The following CCSER1 variants were observed in gnomAD, a reference collection of about 807,000 sequenced individuals.
CCSER1 encodes serine-rich coiled-coil domain-containing protein 1.
A neutral mutation model predicts 82.0 loss-of-function variants in CCSER1; 41 were observed. The ratio of observed to expected loss-of-function variants is 0.50; its 90% confidence interval spans 0.39 to 0.65. The LOEUF (loss-of-function observed/expected upper bound fraction) is 0.65, where lower values mean the gene tolerates loss of function less well. Among genes scored for constraint, CCSER1 ranks in the 30% least tolerant of loss-of-function variants. CCSER1 has a pLI of 0.00. For synonymous variants in CCSER1, 414 were observed against 383.9 expected, an observed-to-expected ratio of 1.08 and a Z score of -0.92; for missense variants, 1,119 against 1,064.2, an observed-to-expected ratio of 1.05 and a Z score of -0.72.
At chr4:91,180,454 C>T (rs994908899) in intron 10 of CCSER1, among the ~76,000 whole-genome samples, 1 of 152,214 alleles carries the variant, frequency 6.6e-6, no homozygotes, top group Admixed American at 6.5e-5. Context: ...GTGGTGGGCT[C>T]CACCTAGTTC....
chr4:91,120,581 A>G (rs1236523345), intron 10 of CCSER1, among the ~76,000 whole-genome samples: 1 of 151,926 alleles, frequency 6.6e-6, no homozygotes, highest in Non-Finnish European at 1.5e-5. Flanking sequence ...TTTTTGAAAG[A>G]TTACAGGTTG....
chr4:90,662,578 A>G (rs1195586223), intron 6 of CCSER1, among the ~76,000 whole-genome samples: 1 of 152,124 alleles, frequency 6.6e-6, no homozygotes, highest in Non-Finnish European at 1.5e-5. Flanking sequence ...AGTCTTTAAC[A>G]TGCATTCTGA....
At chr4:91,150,455 A>C (rs1202107690) in intron 10 of CCSER1, among the ~76,000 whole-genome samples, 1 of 152,120 alleles carries the variant, frequency 6.6e-6, no homozygotes, top group East Asian at 1.9e-4. Context: ...TCTTTTCCTA[A>C]TTGAATACGC....
rs922349827 is a variant in CCSER1 at position 90,944,111 on chromosome 4, C to T, written c.2172+20664C>T. On this transcript the variant is annotated intron_variant, in intron 9 of 10. Coordinates refer to ENST00000509176, the MANE Select transcript of CCSER1 (RefSeq NM_001145065.2). ...GAGCTGGGCGAGCGGCTTGAGCCTG[C>T]AATCCCAGCTACTCGGGAGGCTGAG... is the stretch of plus-strand genomic sequence containing the variant. Among the ~76,000 whole-genome samples, 8 of 151,040 alleles carry T rather than the reference C, an allele frequency of 5.3e-5. No homozygotes were observed. The South Asian group carries it at 1.3e-3, about 24-fold the overall frequency.
intron 9 of CCSER1, among the ~76,000 whole-genome samples, chr4:91,056,119 T>C (rs552986324): frequency 3.0e-4 from 45 of 152,242 alleles, no homozygotes; most frequent in African/African-American, 1.1e-3. Flanking sequence ...TGTCTTTAGT[T>C]CTTTGAGCAT....
intron 10 of CCSER1, among the ~76,000 whole-genome samples, chr4:91,434,501 T>A (rs1754528355): frequency 6.6e-6 from 1 of 152,112 alleles, no homozygotes; most frequent in Non-Finnish European, 1.5e-5. Flanking sequence ...GGTGTCCTCT[T>A]AGAGAAGTTT....
chr4:91,272,805 C>T (rs375566089), intron 10 of CCSER1, among the ~76,000 whole-genome samples: 3 of 152,184 alleles, frequency 2.0e-5, no homozygotes, highest in African/African-American at 7.2e-5. Context: ...TTTCATTCTC[C>T]TACATGTGGC....
chr4:91,434,976 CTGT>C (rs1298877759), intron 10 of CCSER1, among the ~76,000 whole-genome samples: 2 of 151,990 alleles, frequency 1.3e-5, no homozygotes, highest in Non-Finnish European at 2.9e-5. Context: ...CCGTAGAGTT[CTGT>C]TGTTGTTGTT....
At chr4:90,566,751 C>T (rs935123224) in intron 5 of CCSER1, among the ~76,000 whole-genome samples, 8 of 151,972 alleles carry the variant, frequency 5.3e-5, no homozygotes, top group African/African-American at 1.7e-4. Context: ...TACAGACGCC[C>T]GCCACCACGC....
chr4:90,315,664 T>A (rs1736046910), intron 3 of CCSER1, among the ~76,000 whole-genome samples: 1 of 151,998 alleles, frequency 6.6e-6, no homozygotes, highest in Non-Finnish European at 1.5e-5. Flanking sequence ...CCACCATGCC[T>A]GCCTAATTTT....
chr4:91,563,136 A>G (rs1762730510), intron 10 of CCSER1, among the ~76,000 whole-genome samples: 1 of 151,816 alleles, frequency 6.6e-6, no homozygotes, highest in Admixed American at 6.6e-5. Flanking sequence ...ATGGTTCCAA[A>G]ATAAAGAAAA....
chr4:91,048,000 ATAAACTC>A (rs1742663094), intron 9 of CCSER1, among the ~76,000 whole-genome samples: 1 of 152,084 alleles, frequency 6.6e-6, no homozygotes, highest in African/African-American at 2.4e-5. Flanking sequence ...TTATTGTCGT[ATAAACTC>A]CTATCTCAAA....
intron 1 of CCSER1, among the ~76,000 whole-genome samples, chr4:90,190,544 G>A (rs772731640): frequency 7.9e-5 from 12 of 152,002 alleles, no homozygotes; most frequent in East Asian, 3.9e-4. Flanking sequence ...TAACACCACC[G>A]GGGCTTTCAT....
At chr4:91,436,576 T>C (rs775849873) in intron 10 of CCSER1, among the ~76,000 whole-genome samples, 10 of 152,232 alleles carry the variant, frequency 6.6e-5, no homozygotes, top group Non-Finnish European at 1.3e-4. Context: ...GGCAGCTACA[T>C]AGATTTACAG....
chr4:91,594,448 CATATAT>C (rs999331894), intron 10 of CCSER1, among the ~76,000 whole-genome samples: 2 of 147,742 alleles, frequency 1.4e-5, no homozygotes, highest in East Asian at 3.9e-4. Flanking sequence ...CACATATATA[CATATAT>C]ATACACACAT....
chr4:90,257,630 A>G (rs1723578570), intron 1 of CCSER1, among the ~76,000 whole-genome samples: 1 of 152,210 alleles, frequency 6.6e-6, no homozygotes, highest in Non-Finnish European at 1.5e-5. Context: ...ATAAACATGT[A>G]AATACTTAAG....
intron 10 of CCSER1, among the ~76,000 whole-genome samples, chr4:91,595,943 T>A (rs1247954296): frequency 3.8e-5 from 3 of 78,868 alleles, no homozygotes; most frequent in African/African-American, 5.3e-5. Flanking sequence ...ACAGAGAACT[T>A]AAAAAAAAAA....
rs190907330 is a variant in CCSER1, at chr4:91,006,550, C to T, written c.2173-79400C>T. Among the ~76,000 whole-genome samples the T allele has an allele frequency of 6.0e-3, 904 of 150,482 alleles. 1 individual carries two copies. The highest frequency in any genetic ancestry group is 0.02 in the African/African-American group (798 of 40,916). On this transcript the variant is annotated intron_variant, in intron 9 of 10. Transcript: ENST00000509176. ...TGTCACCCAGGATGGAGTGCAGTGG[C>T]GTGATCTCGGCTCACTGCAAGCTCT...
At chr4:91,411,829 C>T (rs1380717367) in intron 10 of CCSER1, among the ~76,000 whole-genome samples, 6 of 146,404 alleles carry the variant, frequency 4.1e-5, no homozygotes, top group Non-Finnish European at 7.5e-5. Flanking sequence ...TGCCTATAAA[C>T]ATGACTAGTG....
Sources: gnomAD v4.1 joint callset for allele counts (sites outside exome capture counted in the v4.1 genomes callset) on GRCh38, gnomAD v4.1.1 for gene constraint, MANE v1.5 for transcripts, NCBI Gene and HGNC (gene_info 2026-07-23, HGNC 2026-07-21) for gene names.